SLC39A12: variants seen among roughly 807,000 people sequenced by gnomAD.
SLC39A12 encodes zinc transporter ZIP12.
In SLC39A12, 63 loss-of-function variants were observed where a neutral mutation model predicts 71.1. The observed-to-expected ratio is 0.89, with a 90% CI of 0.72 to 1.09. The LOEUF is 1.09. Ranked by LOEUF, SLC39A12 falls within the 50% of genes least tolerant of loss-of-function variation. SLC39A12 has a pLI of 0.00. For missense variants in SLC39A12, 892 were observed against 812.6 expected, an observed-to-expected ratio of 1.10 and a Z score of -1.19; for synonymous variants, 351 against 301.3, an observed-to-expected ratio of 1.16 and a Z score of -1.71.
intron 6 of SLC39A12, among the ~76,000 whole-genome samples, chr10:17,985,786 C>CAT (rs972447076): frequency 3.3e-5 from 5 of 151,862 alleles, no homozygotes; most frequent in East Asian, 1.9e-4. Flanking sequence ...CTTCTCCCTT[C>CAT]ATATATATAT....
chr10:17,993,675 G>A (rs965099812), intron 9 of SLC39A12, among the ~76,000 whole-genome samples: 1 of 152,200 alleles, frequency 6.6e-6, no homozygotes, highest in African/African-American at 2.4e-5. Flanking sequence ...GGATTACTTA[G>A]TGCACCTAGG....
At chr10:18,011,951 G>A (rs1424322946) in intron 12 of SLC39A12, among the ~76,000 whole-genome samples, 1 of 152,168 alleles carries the variant, frequency 6.6e-6, no homozygotes, top group Admixed American at 6.6e-5. Flanking sequence ...CTTGAGAATA[G>A]CCTCCGGGTT....
chr10:17,996,334 T>C (rs1835682414), intron 10 of SLC39A12, among the ~76,000 whole-genome samples: 1 of 152,240 alleles, frequency 6.6e-6, no homozygotes, highest in South Asian at 2.1e-4. Context: ...TGAATAATTC[T>C]TGAAAGTTTT....
chr10:18,021,832 G>T (rs764284633), intron 12 of SLC39A12, among the ~76,000 whole-genome samples: 1 of 152,132 alleles, frequency 6.6e-6, no homozygotes, highest in Non-Finnish European at 1.5e-5. Flanking sequence ...AATTCCATTA[G>T]CATTTGCTTG....
Position 17,991,278 on chromosome 10 carries a change from T to A in SLC39A12, c.1397T>A (p.Ile466Asn). Residue 466 changes from isoleucine to asparagine, a missense_variant, in exon 8 of 13, where the codon ATT becomes AAT. Coordinates refer to ENST00000377369, the MANE Select transcript of SLC39A12 (RefSeq NM_001145195.2). Reference sequence around the variant, plus strand: ...TTTTTCTTGATAGAAAAATGTTTTATTCTTCTTGTATCACCAAATGACAAG... The same window carrying A: ...TTTTTCTTGATAGAAAAATGTTTTAATCTTCTTGTATCACCAAATGACAAG... ...HGFFLIEKCFILLVSPNDKQG... is the reference protein window; with the variant it reads ...HGFFLIEKCFNLLVSPNDKQG... 1 of 1,595,958 alleles carries A rather than the reference T, an allele frequency of 6.3e-7. No homozygotes were observed.
intron 12 of SLC39A12, among the ~76,000 whole-genome samples, chr10:18,034,930 A>G (rs561068874): frequency 1.3e-5 from 2 of 152,126 alleles, no homozygotes; most frequent in South Asian, 4.2e-4. Flanking sequence ...TGGATATGAA[A>G]TTCTGGATTG....
At chr10:18,020,290 G>C (rs1056761620) in intron 12 of SLC39A12, among the ~76,000 whole-genome samples, 2 of 151,914 alleles carry the variant, frequency 1.3e-5, no homozygotes, top group Non-Finnish European at 2.9e-5. Flanking sequence ...TGCCGCAAAA[G>C]GTGCAATCTT....
chr10:18,035,719 A>G (rs958999450), intron 12 of SLC39A12, among the ~76,000 whole-genome samples: 99 of 152,264 alleles, frequency 6.5e-4, no homozygotes, highest in African/African-American at 1.9e-3. Context: ...AGGAGGAGAG[A>G]TGCTCTGCGT....
chr10:17,983,343 C>T (rs1383812122), intron 6 of SLC39A12, among the ~76,000 whole-genome samples: 2 of 151,868 alleles, frequency 1.3e-5, no homozygotes. Flanking sequence ...CGAAAATTAG[C>T]CAGGCATGGT....
intron 12 of SLC39A12, among the ~76,000 whole-genome samples, chr10:18,040,933 G>T (rs897062722): frequency 1.4e-4 from 22 of 152,024 alleles, no homozygotes; most frequent in African/African-American, 4.6e-4. Flanking sequence ...TGCTTGCCAT[G>T]ATTGTGGGCA....
intron 12 of SLC39A12, among the ~76,000 whole-genome samples, chr10:18,030,883 T>C (rs1431719005): frequency 4.5e-4 from 66 of 145,932 alleles, no homozygotes; most frequent in African/African-American, 1.6e-3. Context: ...CACCTATGAG[T>C]GAGAATATGC....
intron 9 of SLC39A12, 32 bp from the exon 10 acceptor site, chr10:17,995,624 T>G (rs762485992): frequency 6.3e-7 from 1 of 1,595,384 alleles, no homozygotes; most frequent in Non-Finnish European, 8.6e-7. Context: ...CCATTACTTA[T>G]CTTTCATCAG....
rs201087234 is a variant in SLC39A12 at position 17,952,242 on chromosome 10, AT to A, written c.-87+226del. 1.7e-3 allele frequency among the ~76,000 whole-genome samples: 255 copies of A among 151,334 alleles called. 1 individual carries two copies. Among genetic ancestry groups the A allele is most frequent in the African/African-American group, 5.9e-3 (242 of 41,232 alleles). Reference sequence around the variant, plus strand: ...GCCTTAAGCCATCAACAGAAAGATAATTTTTTTTTCCAGGAAGTTGATTGGC... The same window carrying A: ...GCCTTAAGCCATCAACAGAAAGATAATTTTTTTTCCAGGAAGTTGATTGGC... On this transcript the variant is annotated intron_variant, in intron 1 of 12. Transcript: ENST00000377369.
At chr10:18,011,204 C>A (rs1836210888) in intron 12 of SLC39A12, among the ~76,000 whole-genome samples, 1 of 152,054 alleles carries the variant, frequency 6.6e-6, no homozygotes, top group African/African-American at 2.4e-5. Flanking sequence ...ATTATCCTGC[C>A]TCAGCCTCTG....
intron 10 of SLC39A12, among the ~76,000 whole-genome samples, chr10:17,999,263 C>A (rs1353295999): frequency 3.9e-5 from 5 of 129,868 alleles, no homozygotes; most frequent in Non-Finnish European, 6.2e-5. Flanking sequence ...CTACTGCACT[C>A]CAGCCTGGGC....
intron 7 of SLC39A12, 23 bp from the exon 8 acceptor site, chr10:17,991,125 CTTT>C (rs58262664): frequency 5.1e-4 from 687 of 1,356,172 alleles, no homozygotes; most frequent in South Asian, 1.7e-3. Context: ...TTCTCTCTGC[CTTT>C]TTTTTTTTTT....
At chr10:17,966,702 G>A (rs1834833629) in intron 4 of SLC39A12, among the ~76,000 whole-genome samples, 1 of 151,942 alleles carries the variant, frequency 6.6e-6, no homozygotes, top group Non-Finnish European at 1.5e-5. Context: ...GGGTGCGGTG[G>A]CTCACACCTG....
chr10:18,041,526 GTATA>G (rs765462280), intron 12 of SLC39A12, among the ~76,000 whole-genome samples: 2 of 72,366 alleles, frequency 2.8e-5, no homozygotes, highest in Non-Finnish European at 2.7e-5. Context: ...ATATATATAT[GTATA>G]TATATACACA....
rs967278331 is a variant in SLC39A12 at position 17,985,084 on chromosome 10, C to A, written c.1097-2395C>A. Among the ~76,000 whole-genome samples the A allele has an allele frequency of 3.3e-5, 5 of 152,112 alleles. No homozygotes were observed. In the East Asian group the frequency reaches 9.6e-4, roughly 29 times the overall value. On this transcript the variant is annotated intron_variant, in intron 6 of 12. Coordinates refer to ENST00000377369, the MANE Select transcript of SLC39A12 (RefSeq NM_001145195.2). ...CTAGTCTGGGCATGGTGGCTCATGC[C>A]TGTAATTTCAGCTCTTTGGGAGGCC... is the stretch of plus-strand genomic sequence containing the variant.
Sources: gnomAD v4.1 joint callset for allele counts (sites outside exome capture counted in the v4.1 genomes callset) on GRCh38, gnomAD v4.1.1 for gene constraint, MANE v1.5 for transcripts, NCBI Gene and HGNC (gene_info 2026-07-23, HGNC 2026-07-21) for gene names.